Variants in IMMP2L observed in about 807,000 individuals in gnomAD.
IMMP2L encodes inner mitochondrial membrane peptidase subunit 2.
IMMP2L carries 18 observed loss-of-function variants against 19.3 expected under a neutral mutation model. The ratio of observed to expected loss-of-function variants is 0.93; its 90% CI spans 0.64 to 1.38. The LOEUF (loss-of-function observed/expected upper bound fraction) is 1.38. Among genes scored for constraint, IMMP2L ranks in the 40% most tolerant of loss-of-function variants. The pLI, the probability that IMMP2L is intolerant of heterozygous loss-of-function variation, is 0.00. For synonymous variants in IMMP2L, 76 were observed against 73.0 expected (o/e 1.04, Z -0.21); for missense variants, 233 against 218.2 (o/e 1.07, Z -0.43).
Position 111,562,356 on chromosome 7 carries a change from T to TC in IMMP2L, c.-509dup, listed in dbSNP as rs2133221485. On this transcript the variant is annotated 5_prime_UTR_variant, in exon 1 of 6. Transcript: ENST00000405709. ...GCCGGGGCCGACTCCCAGGGAAGGGTCCCCAGCCCAAGAGACCACCAAGGG... is the reference window on the plus strand; with the variant it reads ...GCCGGGGCCGACTCCCAGGGAAGGGTCCCCCAGCCCAAGAGACCACCAAGGG... 1 of 149,174 alleles carries TC rather than the reference T, an allele frequency of 6.7e-6. No homozygotes were observed. The highest frequency in any genetic ancestry group is 2.1e-4 in the South Asian group (1 of 4,678). 9.2% of individuals were successfully genotyped at this position (149,174 alleles called of 1,614,324 possible).
intron 3 of IMMP2L, among the ~76,000 whole-genome samples, chr7:111,360,111 T>A (rs538624085): frequency 6.9e-5 from 7 of 101,190 alleles, no homozygotes; most frequent in Non-Finnish European, 1.1e-4. Flanking sequence ...CTGATTACAA[T>A]TTCGCCATAA....
At chr7:111,084,137 A>G (rs1449165031) in intron 3 of IMMP2L, among the ~76,000 whole-genome samples, 1 of 152,140 alleles carries the variant, frequency 6.6e-6, no homozygotes, top group Non-Finnish European at 1.5e-5. Context: ...GAGAAATTGC[A>G]GCAGCCAAGG....
chr7:111,457,528 G>C (rs543851043), intron 3 of IMMP2L, among the ~76,000 whole-genome samples: 2 of 152,078 alleles, frequency 1.3e-5, no homozygotes, highest in Admixed American at 1.3e-4. Context: ...AGTCCTTCTA[G>C]GTATACAAGA....
intron 3 of IMMP2L, among the ~76,000 whole-genome samples, chr7:111,115,166 C>T (rs143379863): frequency 1.3e-3 from 191 of 152,254 alleles, no homozygotes; most frequent in African/African-American, 4.3e-3. Flanking sequence ...AAAGGCAAAT[C>T]AGGCAATCAA....
intron 3 of IMMP2L, among the ~76,000 whole-genome samples, chr7:111,345,749 A>G (rs17158522): frequency 0.012 from 1,775 of 152,270 alleles, 27 homozygotes; most frequent in South Asian, 0.05. Flanking sequence ...GACAATCCTG[A>G]CTGGTGAACA....
At chr7:111,453,891 G>C (rs751732842) in intron 3 of IMMP2L, among the ~76,000 whole-genome samples, 1 of 152,144 alleles carries the variant, frequency 6.6e-6, no homozygotes, top group Non-Finnish European at 1.5e-5. Flanking sequence ...GGATCAATGA[G>C]TATTTCCCTA....
At chr7:111,492,383 G>A in intron 2 of IMMP2L, 2 of 984,042 alleles carry the variant, frequency 2.0e-6, no homozygotes, top group Non-Finnish European at 2.4e-6. Context: ...TCATAAGTCA[G>A]GTCCAGTTTC....
chr7:111,142,694 G>A (rs1310173020), intron 3 of IMMP2L, among the ~76,000 whole-genome samples: 3 of 152,074 alleles, frequency 2.0e-5, no homozygotes, highest in Non-Finnish European at 2.9e-5. Context: ...ATATCATAAA[G>A]GTCATGTGTG....
At chr7:110,761,954 G>A (rs1367780659) in intron 5 of IMMP2L, among the ~76,000 whole-genome samples, 4 of 152,074 alleles carry the variant, frequency 2.6e-5, no homozygotes, top group Non-Finnish European at 4.4e-5. Flanking sequence ...TGGTCAACAC[G>A]GGGTCCGTAC....
In IMMP2L at chr7:111,333,445, T is replaced by C. The variant is rs79254795; in HGVS notation, c.239+153793A>G. ...AGTTTTATTATGTTAGGCATAATTA[T>C]GATATTATTGTCTTTATTTGAAGAC... On this transcript the variant is annotated intron_variant, in intron 3 of 5. Coordinates refer to ENST00000405709, the MANE Select transcript of IMMP2L (RefSeq NM_032549.4). Among the ~76,000 whole-genome samples, 172 of 152,172 alleles carry C rather than the reference T, an allele frequency of 1.1e-3. 2 individuals are homozygous for C. Among genetic ancestry groups the C allele is most frequent in the African/African-American group, 3.8e-3 (159 of 41,550 alleles).
intron 3 of IMMP2L, among the ~76,000 whole-genome samples, chr7:111,296,738 T>C (rs1036592151): frequency 1.2e-4 from 19 of 152,062 alleles, no homozygotes; most frequent in Non-Finnish European, 1.0e-4. Context: ...CCCATAGATA[T>C]TCATAACAGA....
At chr7:111,463,695 C>T (rs1840351317) in intron 3 of IMMP2L, among the ~76,000 whole-genome samples, 1 of 152,136 alleles carries the variant, frequency 6.6e-6, no homozygotes, top group Non-Finnish European at 1.5e-5. Context: ...TGATGACATC[C>T]CACTGTTGCT....
chr7:111,495,659 C>G (rs753619331), intron 2 of IMMP2L, among the ~76,000 whole-genome samples: 1 of 152,136 alleles, frequency 6.6e-6, no homozygotes, highest in African/African-American at 2.4e-5. Context: ...TCACAGTACA[C>G]TTCCTGTTTT....
At chr7:110,998,036 A>G (rs1198311789) in intron 3 of IMMP2L, among the ~76,000 whole-genome samples, 1 of 152,082 alleles carries the variant, frequency 6.6e-6, no homozygotes, top group Non-Finnish European at 1.5e-5. Context: ...CTTTCCTTCC[A>G]TAATGTATCA....
intron 5 of IMMP2L, among the ~76,000 whole-genome samples, chr7:110,846,361 T>TG (rs1805669642): frequency 7.6e-6 from 1 of 131,386 alleles, no homozygotes; most frequent in African/African-American, 2.7e-5. Context: ...TTTTTTTTTT[T>TG]TTTTTTTGTT....
chr7:110,903,332 A>G (rs995549415), intron 4 of IMMP2L, among the ~76,000 whole-genome samples: 4 of 152,178 alleles, frequency 2.6e-5, no homozygotes, highest in Admixed American at 1.3e-4. Flanking sequence ...GTACAATGTT[A>G]TATGTCAGAT....
intron 3 of IMMP2L, among the ~76,000 whole-genome samples, chr7:111,235,204 G>C (rs1300264199): frequency 6.6e-6 from 1 of 151,944 alleles, no homozygotes; most frequent in Non-Finnish European, 1.5e-5. Context: ...TTGGACAGTG[G>C]CTCACGCCTG....
chr7:111,133,053 A>G (rs1234753224), intron 3 of IMMP2L, among the ~76,000 whole-genome samples: 2 of 151,942 alleles, frequency 1.3e-5, no homozygotes, highest in Non-Finnish European at 2.9e-5. Flanking sequence ...TGCTCCTTCC[A>G]AGGATCAGGT....
At chr7:111,104,648 A>G (rs1449313723) in intron 3 of IMMP2L, among the ~76,000 whole-genome samples, 2 of 151,798 alleles carry the variant, frequency 1.3e-5, no homozygotes, top group Non-Finnish European at 2.9e-5. Context: ...AGCAAATGCT[A>G]AAGAAAAATT....
Sources: gnomAD v4.1 joint callset for allele counts (sites outside exome capture counted in the v4.1 genomes callset) on GRCh38, gnomAD v4.1.1 for gene constraint, MANE v1.5 for transcripts, NCBI Gene and HGNC (gene_info 2026-07-23, HGNC 2026-07-21) for gene names.